Variants in MGRN1 observed in about 807,000 individuals in gnomAD.
The protein encoded by MGRN1 is E3 ubiquitin-protein ligase MGRN1.
Under a neutral mutation model 69.2 loss-of-function variants are expected in MGRN1, and 29 were observed. The ratio of observed to expected loss-of-function variants is 0.42; its 90% CI spans 0.31 to 0.57. MGRN1 has a LOEUF of 0.57. Ranked by LOEUF, MGRN1 falls within the 20% of genes least tolerant of loss-of-function variation. MGRN1 has a pLI of 0.15. For synonymous variants in MGRN1, 470 were observed against 344.2 expected (o/e 1.37, Z -4.04); for missense variants, 998 against 796.2 (o/e 1.25, Z -3.05).
Position 4,636,410 on chromosome 16 carries a change from G to A in MGRN1, c.88+11362G>A, listed in dbSNP as rs368324510. 3.1e-4 allele frequency among the ~76,000 whole-genome samples: 47 copies of A among 152,302 alleles called. 1 individual carries two copies. The East Asian group carries it at 8.3e-3, about 27-fold the overall frequency. On this transcript the variant is annotated intron_variant, in intron 1 of 16. Transcript: ENST00000262370. Reference sequence around the variant, plus strand: ...AGCAGTGAGTGATCTGGCGTCTGCTGTGGGACCTTCCAGCGTCCCAGTGCT... The same window carrying A: ...AGCAGTGAGTGATCTGGCGTCTGCTATGGGACCTTCCAGCGTCCCAGTGCT...
chr16:4,664,699 C>G lies in MGRN1; in HGVS notation c.562-10C>G, dbSNP rs1180005408. 11 of 1,614,070 alleles carry G rather than the reference C, an allele frequency of 6.8e-6. No individual in the cohort carries two copies. Among genetic ancestry groups the G allele is most frequent in the Non-Finnish European group, 7.6e-6 (9 of 1,180,040 alleles). ...TGGGTCCTGACCATTCTTGGCAACT[C>G]TCTCCTCAGCTGAACTTTGACCTGG... On this transcript the variant is annotated splice_polypyrimidine_tract_variant and intron_variant, in intron 5 of 16. Transcript: ENST00000262370.
At position 4,689,064 on chromosome 16, in the gene MGRN1, G is replaced by A; in HGVS notation, c.*156G>A. 2.0e-6 allele frequency: 2 copies of A among 996,388 alleles called. No homozygotes were observed. The highest frequency in any genetic ancestry group is 1.9e-5 in the South Asian group (1 of 52,864). The allele number at this position is 996,388 out of a possible 1,614,324, so 61.7% of individuals were successfully genotyped here. A position where few individuals can be genotyped will look rare whatever the true frequency, so the allele number is the denominator to read the frequency against. On this transcript the variant is annotated 3_prime_UTR_variant, in exon 17 of 17. Transcript: ENST00000262370. ...GTGACTCTTGATCAAAGAGCACAGT[G>A]AACTGTCCCTTCTGAGTCTCCCTTT...
chr16:4,686,242 T>G (rs1205374137), intron 16 of MGRN1: 2 of 1,541,122 alleles, frequency 1.3e-6, no homozygotes, highest in Non-Finnish European at 1.7e-6. Flanking sequence ...CGTCTGTCTC[T>G]CCCCCTCTCC....
rs560172929 is a variant in MGRN1, at chr16:4,685,499, C to T, written c.1618+1567C>T. ...GGTAGAGGAGAGGCCGAGTCTACAT[C>T]GGGGCAGCCTGAGGTGAACTCCTGG... is the stretch of plus-strand genomic sequence containing the variant. On this transcript the variant is annotated intron_variant, in intron 16 of 16. Coordinates refer to ENST00000262370, the MANE Select transcript of MGRN1 (RefSeq NM_015246.4). Among the ~76,000 whole-genome samples, 365 of 152,358 alleles carry T rather than the reference C, an allele frequency of 2.4e-3. 2 individuals carry two copies. The highest frequency in any genetic ancestry group is 8.2e-3 in the African/African-American group (340 of 41,594).
intron 12 of MGRN1, 126 bp downstream of exon 12, chr16:4,680,223 GC>G: frequency 9.6e-6 from 9 of 935,628 alleles, no homozygotes; most frequent in Non-Finnish European, 1.5e-5. Context: ...AGCTCCACTT[GC>G]CCAGTCCCGG....
intron 1 of MGRN1, among the ~76,000 whole-genome samples, chr16:4,631,346 C>T (rs561434433): frequency 1.3e-5 from 2 of 152,350 alleles, no homozygotes; most frequent in South Asian, 4.1e-4. Flanking sequence ...ACAAGAACCC[C>T]ACCAGTTAAC....
chr16:4,684,033 C>G, intron 16 of MGRN1, 101 bp downstream of exon 16: 3 of 1,025,618 alleles, frequency 2.9e-6, no homozygotes, highest in Non-Finnish European at 2.9e-6. Flanking sequence ...CAGAGGCTGT[C>G]CATTGGAGCC....
intron 1 of MGRN1, among the ~76,000 whole-genome samples, chr16:4,631,709 T>C (rs144621924): frequency 6.6e-6 from 1 of 152,354 alleles, no homozygotes; most frequent in East Asian, 1.9e-4. Flanking sequence ...TTGGTTATGC[T>C]AAGTTCTTTG....
chr16:4,682,606 G>A (rs1022649236), intron 13 of MGRN1, among the ~76,000 whole-genome samples: 37 of 152,174 alleles, frequency 2.4e-4, no homozygotes, highest in African/African-American at 8.9e-4. Context: ...CAGTGTGTCG[G>A]GAGCCCCTCT....
intron 1 of MGRN1, among the ~76,000 whole-genome samples, chr16:4,645,511 C>CT (rs2078255323): frequency 1.3e-5 from 2 of 152,134 alleles, no homozygotes; most frequent in Admixed American, 6.6e-5. Context: ...ACAGTAAGAT[C>CT]TTAGAGCCTC....
intron 1 of MGRN1, among the ~76,000 whole-genome samples, chr16:4,638,936 G>A (rs1425159863): frequency 6.6e-6 from 1 of 152,128 alleles, no homozygotes; most frequent in African/African-American, 2.4e-5. Context: ...CAGACATGCT[G>A]GGTGTCTTCA....
chr16:4,631,862 C>G (rs1228794560), intron 1 of MGRN1, among the ~76,000 whole-genome samples: 1 of 150,274 alleles, frequency 6.7e-6, no homozygotes, highest in East Asian at 1.9e-4. Flanking sequence ...AATCCATGAA[C>G]ATGGTATATC....
At chr16:4,644,608 G>C (rs1230729469) in intron 1 of MGRN1, among the ~76,000 whole-genome samples, 1 of 152,098 alleles carries the variant, frequency 6.6e-6, no homozygotes, top group African/African-American at 2.4e-5. Context: ...CTGCACCTGG[G>C]TTCTGTTTTT....
Position 4,689,675 on chromosome 16 carries a change from G to GGGGCTTCTGTTTGGC in MGRN1, c.*768_*782dup, listed in dbSNP as rs1300854381. ...ACATCACAAGGCCCCTCCAGGTGCA[G>GGGGCTTCTGTTTGGC]GGGCTTCTGTTTGGCAGGCCCCTGC... On this transcript the variant is annotated 3_prime_UTR_variant, in exon 17 of 17. Transcript: ENST00000262370. 6.6e-6 allele frequency: 1 copy of GGGGCTTCTGTTTGGC among 152,244 alleles called. No individual in the cohort carries two copies. The highest frequency in any genetic ancestry group is 1.5e-5 in the Non-Finnish European group (1 of 68,044). 9.4% of individuals were successfully genotyped at this position (152,244 alleles called of 1,614,324 possible).
intron 1 of MGRN1, 85 bp from the exon 2 acceptor site, chr16:4,650,280 G>C (rs1470678535): frequency 1.1e-5 from 12 of 1,062,490 alleles, no homozygotes; most frequent in Admixed American, 2.3e-5. Flanking sequence ...TCCAGCCTGG[G>C]TGGAGCGCCA....
chr16:4,647,595 C>T (rs2078301299), intron 1 of MGRN1, among the ~76,000 whole-genome samples: 1 of 152,236 alleles, frequency 6.6e-6, no homozygotes, highest in African/African-American at 2.4e-5. Context: ...TTGTGTTGCG[C>T]ACATCTCAGT....
At chr16:4,631,917 T>TTC (rs1898022783) in intron 1 of MGRN1, among the ~76,000 whole-genome samples, 1 of 151,920 alleles carries the variant, frequency 6.6e-6, no homozygotes, top group Non-Finnish European at 1.5e-5. Flanking sequence ...TTTTTTTTTT[T>TTC]CAGATAACTT....
chr16:4,671,315 G>T (rs1444452633), intron 8 of MGRN1, 76 bp from the exon 9 acceptor site: 14 of 1,445,580 alleles, frequency 9.7e-6, no homozygotes, highest in Non-Finnish European at 1.3e-5. Context: ...TGGAGGCAGG[G>T]CTAGGCCAGG....
In MGRN1 at chr16:4,657,323, C is replaced by T. The variant is rs765086784; in HGVS notation, c.521C>T (p.Pro174Leu). 11 of 1,614,040 alleles carry T rather than the reference C, an allele frequency of 6.8e-6. No individual in the cohort carries two copies. The highest frequency in any genetic ancestry group is 3.3e-4 in the Middle Eastern group (2 of 6,082). Residue 174 changes from proline (P) to leucine (L), a missense_variant, in exon 5 of 17, where the codon CCC becomes CTC. By Grantham distance (98) the Pro-to-Leu change is moderately conservative. Transcript: ENST00000262370. Reference sequence around the variant, plus strand: ...GGGGTGAGCCAGCAGTTCTCCCTGCCCTCCTTCAAGATTGACTTCTCGGAA... The same window carrying T: ...GGGGTGAGCCAGCAGTTCTCCCTGCTCTCCTTCAAGATTGACTTCTCGGAA... ...KRGVSQQFSLPSFKIDFSEWK... is the reference protein window; with the variant it reads ...KRGVSQQFSLLSFKIDFSEWK...
Sources: allele counts gnomAD v4.1 joint callset (sites outside exome capture counted in the v4.1 genomes callset), GRCh38; gene constraint gnomAD v4.1.1; transcripts MANE v1.5; gene names NCBI Gene and HGNC (gene_info 2026-07-23, HGNC 2026-07-21).